Variants in PCDHGA1 observed in about 807,000 individuals in gnomAD.
PCDHGA1 encodes protocadherin gamma subfamily A, 1, also known as protocadherin gamma-A1.
PCDHGA1 carries 32 observed loss-of-function variants against 58.0 expected under a neutral mutation model. The ratio of observed to expected loss-of-function variants is 0.55; its 90% CI spans 0.42 to 0.74. PCDHGA1 has a LOEUF of 0.74. PCDHGA1 is among the 30% of genes least tolerant of loss of function. The probability of loss-of-function intolerance (pLI) is 0.00; values close to 1 mark genes in which losing one functional copy is unlikely to be tolerated. For missense variants in PCDHGA1, 1,205 were observed against 1,182.3 expected (o/e 1.02, Z -0.28); for synonymous variants, 498 against 501.1 (o/e 0.99, Z 0.08).
chr5:141,493,338 A>G lies in PCDHGA1; in HGVS notation c.2422-1469A>G, dbSNP rs773870729. Among the ~76,000 whole-genome samples the G allele has an allele frequency of 6.6e-6, 1 of 152,162 alleles. No individual in the cohort carries two copies. The highest frequency in any genetic ancestry group is 1.5e-5 in the Non-Finnish European group (1 of 68,028). On this transcript the variant is annotated intron_variant, in intron 1 of 3. Transcript: ENST00000517417. This position sits in a 1 kb window ranked among gnomAD's most constrained non-coding sequence, Gnocchi z 4.3. ...GATTCTAACCCCTGTCTAACTCCAG[A>G]ATGTGTGCTTTTAATTTCTTGGCAC...
intron 1 of PCDHGA1, chr5:141,409,049 AG>A: frequency 6.2e-7 from 1 of 1,614,028 alleles, no homozygotes; most frequent in African/African-American, 1.3e-5. Context: ...CTACTTCCGA[AG>A]CACTGCCCAG....
intron 1 of PCDHGA1, chr5:141,413,400 G>T: frequency 6.2e-7 from 1 of 1,614,060 alleles, no homozygotes. Context: ...CCAGAGGTAG[G>T]ACGCAGCTTT....
At chr5:141,410,849 CTTTTTTTTTTTT>C (rs759346998) in intron 1 of PCDHGA1, 1 of 129,786 alleles carries the variant, frequency 7.7e-6, no homozygotes, top group East Asian at 2.3e-4. Flanking sequence ...TTGTCTTTGT[CTTTTTTTTTTTT>C]TTTTTTTTTT....
intron 1 of PCDHGA1, chr5:141,383,037 A>G: frequency 6.2e-7 from 1 of 1,613,816 alleles, no homozygotes; most frequent in Non-Finnish European, 8.5e-7. Context: ...CCTTTGTGGG[A>G]GACATCGCCA....
chr5:141,399,419 G>A, intron 1 of PCDHGA1: 1 of 1,614,000 alleles, frequency 6.2e-7, no homozygotes, highest in East Asian at 2.2e-5. Flanking sequence ...CTCTCCTCCA[G>A]CATAAGCGTC....
chr5:141,393,910 T>C, intron 1 of PCDHGA1: 1 of 1,613,998 alleles, frequency 6.2e-7, no homozygotes, highest in Admixed American at 1.7e-5. Flanking sequence ...GGGACAGTAA[T>C]TGCCTTCTTG....
chr5:141,377,969 A>G (rs1165356824), intron 1 of PCDHGA1: 1 of 152,202 alleles, frequency 6.6e-6, no homozygotes, highest in African/African-American at 2.4e-5. Context: ...ACTTGAATCT[A>G]TGTTCCTGGG....
rs536902009 is a variant in PCDHGA1, at chr5:141,361,669, G to T, written c.2421+28564G>T. 2.5e-6 allele frequency: 4 copies of T among 1,613,692 alleles called. No individual in the cohort carries two copies. The African/African-American group carries it at 4.0e-5, about 16-fold the overall frequency. ...CTACGTGTCCGTGAGCGCGCAGAGC[G>T]GGGTGGTGTTCGCGCAGCGCGCCTT... On this transcript the variant is annotated intron_variant, in intron 1 of 3. Transcript: ENST00000517417.
At chr5:141,365,966 G>C in intron 1 of PCDHGA1, 1 of 1,614,222 alleles carries the variant, frequency 6.2e-7, no homozygotes, top group Non-Finnish European at 8.5e-7. Context: ...TAGCAGCAAC[G>C]TGTCGCTGAG....
rs1449911634 is a variant in PCDHGA1 at position 141,384,593 on chromosome 5, C to T, written c.2421+51488C>T. On this transcript the variant is annotated intron_variant, in intron 1 of 3. Transcript: ENST00000517417. ...GACAACCCGCCCGAGATCCTGTACC[C>T]GGCCCTCCCCACAGATGGTTCTACT... 3 of 1,614,252 alleles carry T rather than the reference C, an allele frequency of 1.9e-6. No individual in the cohort carries two copies. The highest frequency in any genetic ancestry group is 4.5e-5 in the East Asian group (2 of 44,888).
intron 1 of PCDHGA1, chr5:141,399,217 TTGATCAAAATACA>T (rs2093771382): frequency 6.2e-7 from 1 of 1,613,854 alleles, no homozygotes; most frequent in African/African-American, 1.3e-5. Context: ...ACTAATTGCT[TTGATCAAAATACA>T]TGACCAAGAT....
At chr5:141,407,179 C>T (rs566759065) in intron 1 of PCDHGA1, among the ~76,000 whole-genome samples, 2 of 152,256 alleles carry the variant, frequency 1.3e-5, no homozygotes, top group South Asian at 2.1e-4. Context: ...GACATACAGA[C>T]ATTTTAATTA....
intron 1 of PCDHGA1, chr5:141,351,809 G>C (rs1758832270): frequency 6.2e-7 from 1 of 1,613,174 alleles, no homozygotes; most frequent in Non-Finnish European, 8.5e-7. Context: ...GCGCGCCTTC[G>C]ACCACGAGCA....
chr5:141,428,148 G>A (rs774961575), intron 1 of PCDHGA1: 6 of 1,588,024 alleles, frequency 3.8e-6, no homozygotes, highest in East Asian at 4.5e-5. Flanking sequence ...GCTGCACACG[G>A]GAACCTGCTG....
chr5:141,441,565 C>T (rs1049476318), intron 1 of PCDHGA1: 62 of 200,838 alleles, frequency 3.1e-4, no homozygotes, highest in African/African-American at 1.4e-3. Context: ...CAAGTAGACA[C>T]CTCCAACCTA....
At chr5:141,395,315 G>A in intron 1 of PCDHGA1, 1 of 1,486,272 alleles carries the variant, frequency 6.7e-7, no homozygotes, top group Middle Eastern at 1.8e-4. Context: ...AAAACATTGT[G>A]AAGATAGTTG....
At chr5:141,466,123 A>G (rs961197575) in intron 1 of PCDHGA1, among the ~76,000 whole-genome samples, 1 of 151,364 alleles carries the variant, frequency 6.6e-6, no homozygotes, top group African/African-American at 2.4e-5. Flanking sequence ...CTCCAGCTCA[A>G]AAAAAAAATC....
rs2097438776 is a variant in PCDHGA1 at position 141,432,018 on chromosome 5, T to C, written c.2422-62789T>C. Reference sequence around the variant, plus strand: ...AGGGAACAGGTTCCTAGCTACAACATCACAGTGACCGCCACTGACCGGGGA... The same window carrying C: ...AGGGAACAGGTTCCTAGCTACAACACCACAGTGACCGCCACTGACCGGGGA... On this transcript the variant is annotated intron_variant, in intron 1 of 3. Transcript: ENST00000517417. This position sits in a 1 kb window ranked among gnomAD's most constrained non-coding sequence, Gnocchi z 6.0. 1.9e-6 allele frequency: 3 copies of C among 1,614,048 alleles called. No homozygotes were observed. In the South Asian group the frequency reaches 3.3e-5, roughly 18 times the overall value.
chr5:141,421,787 C>T (rs753196648), intron 1 of PCDHGA1: 8 of 1,613,694 alleles, frequency 5.0e-6, no homozygotes, highest in East Asian at 2.2e-5. Context: ...CGGGGCAGAA[C>T]GGATGGGGCC....
Sources: gnomAD v4.1 joint callset for allele counts (sites outside exome capture counted in the v4.1 genomes callset) on GRCh38, gnomAD v4.1.1 for gene constraint, Gnocchi (gnomAD v3.1) non-coding constraint, MANE v1.5 for transcripts, NCBI Gene and HGNC (gene_info 2026-07-23, HGNC 2026-07-21) for gene names.